The following STX3 variants were observed in gnomAD, a reference collection of about 807,000 sequenced individuals.
The protein encoded by STX3 is syntaxin 3.
A neutral mutation model predicts 40.2 loss-of-function variants in STX3; 19 were observed. That is an observed-to-expected ratio of 0.47 (90% confidence interval 0.33 to 0.69). The LOEUF is 0.69. Ranked by LOEUF, STX3 falls within the 30% of genes least tolerant of loss-of-function variation. STX3 has a pLI of 0.02. For synonymous variants in STX3, 122 were observed against 132.2 expected, an observed-to-expected ratio of 0.92 and a Z score of 0.53; for missense variants, 364 against 366.7, an observed-to-expected ratio of 0.99 and a Z score of 0.06.
At chr11:59,778,762 A>T (rs984013484) in intron 2 of STX3, among the ~76,000 whole-genome samples, 1 of 152,118 alleles carries the variant, frequency 6.6e-6, no homozygotes, top group Non-Finnish European at 1.5e-5. Context: ...CCTAGCATTT[A>T]ATTTTTCAGA....
At chr11:59,795,566 G>C (rs1865465709) in intron 9 of STX3, 84 bp downstream of exon 9, 1 of 1,548,204 alleles carries the variant, frequency 6.5e-7, no homozygotes, top group Non-Finnish European at 8.7e-7. Flanking sequence ...CCCTGTCTCT[G>C]TTTCTGCTGC....
At chr11:59,770,491 C>T (rs931879160) in intron 1 of STX3, among the ~76,000 whole-genome samples, 10 of 151,856 alleles carry the variant, frequency 6.6e-5, no homozygotes, top group Admixed American at 1.3e-4. Flanking sequence ...AGGATACTCC[C>T]TAAAAAGCTT....
chr11:59,789,245 T>G, intron 4 of STX3: 1 of 250,768 alleles, frequency 4.0e-6, no homozygotes, highest in Non-Finnish European at 7.8e-6. Flanking sequence ...GTCTTTCAAC[T>G]TGTCTCTCTT....
At chr11:59,795,802 A>G in intron 9 of STX3, 1 of 1,149,208 alleles carries the variant, frequency 8.7e-7, no homozygotes, top group Non-Finnish European at 1.2e-6. Context: ...TCTTGAGCCC[A>G]TGCCTCCCTC....
chr11:59,763,755 T>C (rs1151062), intron 1 of STX3, among the ~76,000 whole-genome samples: 136,436 of 152,272 alleles, frequency 0.9, 61,400 homozygotes, highest in East Asian at 1. Flanking sequence ...CGGTGGCTCA[T>C]GCCTATAATC....
At chr11:59,755,667 G>T (rs748467324) in intron 1 of STX3, 32 bp downstream of exon 1, 1 of 1,589,416 alleles carries the variant, frequency 6.3e-7, no homozygotes, top group Non-Finnish European at 8.5e-7. Flanking sequence ...GTGCTGCCAG[G>T]AGGGGTGCTG....
chr11:59,796,725 C>T (rs1865537406), intron 9 of STX3, among the ~76,000 whole-genome samples: 1 of 152,232 alleles, frequency 6.6e-6, no homozygotes, highest in African/African-American at 2.4e-5. Context: ...TATCTGTCCA[C>T]ATATACAGAA....
chr11:59,780,853 C>T (rs1864323753), intron 2 of STX3, among the ~76,000 whole-genome samples: 2 of 152,246 alleles, frequency 1.3e-5, no homozygotes, highest in South Asian at 4.2e-4. Flanking sequence ...ACTTTCCTGA[C>T]TAAGTTTTGA....
chr11:59,770,673 A>G (rs1162454589), intron 1 of STX3, among the ~76,000 whole-genome samples: 1 of 152,144 alleles, frequency 6.6e-6, no homozygotes, highest in Non-Finnish European at 1.5e-5. Context: ...TGTGGAAGCT[A>G]GTTATTTATT....
intron 2 of STX3, among the ~76,000 whole-genome samples, chr11:59,775,213 G>A (rs540336137): frequency 2.0e-5 from 3 of 152,294 alleles, no homozygotes; most frequent in Non-Finnish European, 4.4e-5. Context: ...GAAGTTGGCT[G>A]TAAACTCTCC....
chr11:59,759,535 A>G (rs1433900183), intron 1 of STX3, among the ~76,000 whole-genome samples: 3 of 152,230 alleles, frequency 2.0e-5, no homozygotes, highest in Non-Finnish European at 4.4e-5. Context: ...TCAAAGCCAT[A>G]TGGTGGTAAT....
At chr11:59,770,882 C>A (rs1332583235) in intron 1 of STX3, among the ~76,000 whole-genome samples, 1 of 152,082 alleles carries the variant, frequency 6.6e-6, no homozygotes, top group Non-Finnish European at 1.5e-5. Context: ...TAGGGAAGAT[C>A]TGTAGAACCT....
intron 10 of STX3, among the ~76,000 whole-genome samples, chr11:59,799,123 C>T (rs1865716983): frequency 6.6e-6 from 1 of 152,156 alleles, no homozygotes; most frequent in South Asian, 2.1e-4. Flanking sequence ...CTCCTGGACT[C>T]AAGCGATCCA....
Position 59,803,354 on chromosome 11 carries a change from T to C in STX3, c.*2530T>C, listed in dbSNP as rs75304130. The C allele has an allele frequency of 0.072, 83,441 of 1,154,752 alleles. 4,195 individuals carry two copies. The highest frequency in any genetic ancestry group is 0.24 in the African/African-American group (15,307 of 62,868). The allele number at this position is 1,154,752 out of a possible 1,614,324, so 71.5% of individuals were successfully genotyped here. On this transcript the variant is annotated 3_prime_UTR_variant, in exon 11 of 11. Coordinates refer to ENST00000337979, the MANE Select transcript of STX3 (RefSeq NM_004177.5). ...TTCTTTCACTGACTTGAAACCTTTG[T>C]GTCTTGGGGGCACTCTAGGTGCCTT... is the stretch of plus-strand genomic sequence containing the variant.
Position 59,787,143 on chromosome 11 carries a change from G to C in STX3, c.214+7G>C. 1 of 1,612,664 alleles carries C rather than the reference G, an allele frequency of 6.2e-7. No individual in the cohort carries two copies. Among genetic ancestry groups the C allele is most frequent in the Non-Finnish European group, 8.5e-7 (1 of 1,178,784 alleles). On this transcript the variant is annotated splice_region_variant and intron_variant, in intron 3 of 10. Transcript: ENST00000337979. ...GCACCGATTCCAGAGCCAAGTGAGT[G>C]TTTACTTAGAACTGAGTCATCCAAC...
chr11:59,789,632 G>A (rs557275225), intron 4 of STX3, among the ~76,000 whole-genome samples: 57 of 152,204 alleles, frequency 3.7e-4, no homozygotes, highest in Non-Finnish European at 6.8e-4. Context: ...GTAGAGACGA[G>A]GTTTCGCCAT....
chr11:59,795,781 C>T, intron 9 of STX3: 2 of 1,369,068 alleles, frequency 1.5e-6, no homozygotes, highest in Middle Eastern at 2.2e-4. Context: ...CCTGGCCACC[C>T]CTACCTGTGT....
At chr11:59,795,522 T>C in intron 9 of STX3, 40 bp downstream of exon 9, 1 of 1,582,470 alleles carries the variant, frequency 6.3e-7, no homozygotes, top group East Asian at 2.3e-5. Flanking sequence ...AGAGTCCATT[T>C]TGTTTGCTGT....
intron 1 of STX3, among the ~76,000 whole-genome samples, chr11:59,768,065 A>G (rs1863368033): frequency 6.6e-6 from 1 of 152,236 alleles, no homozygotes; most frequent in South Asian, 2.1e-4. Context: ...GAACTTTAAA[A>G]TATTATCATA....
Sources: gnomAD v4.1 joint callset for allele counts (sites outside exome capture counted in the v4.1 genomes callset) on GRCh38, gnomAD v4.1.1 for gene constraint, MANE v1.5 for transcripts, NCBI Gene and HGNC (gene_info 2026-07-23, HGNC 2026-07-21) for gene names.